PLD5: variants seen among roughly 807,000 people sequenced by gnomAD.
PLD5 encodes phospholipase D family member 5, also known as inactive phospholipase D5.
A neutral mutation model predicts 61.1 loss-of-function variants in PLD5; 36 were observed. That is an observed-to-expected ratio of 0.59 (90% CI 0.45 to 0.78). The LOEUF (loss-of-function observed/expected upper bound fraction) is 0.78. PLD5 is among the 30% of genes least tolerant of loss of function. The probability of loss-of-function intolerance (pLI) is 0.00; values close to 1 mark genes in which losing one functional copy is unlikely to be tolerated. For synonymous variants in PLD5, 243 were observed against 242.8 expected, an observed-to-expected ratio of 1.00 and a Z score of -0.01; for missense variants, 515 against 644.4, an observed-to-expected ratio of 0.80 and a Z score of 2.17.
intron 3 of PLD5, among the ~76,000 whole-genome samples, chr1:242,286,922 G>C (rs1675059311): frequency 6.6e-6 from 1 of 152,184 alleles, no homozygotes; most frequent in Admixed American, 6.5e-5. Context: ...GTAAAAGAGA[G>C]ATATGAATTG....
chr1:242,122,019 A>G (rs1031430586), intron 6 of PLD5, among the ~76,000 whole-genome samples: 3 of 152,190 alleles, frequency 2.0e-5, no homozygotes, highest in Non-Finnish European at 4.4e-5. Flanking sequence ...CAGCACACCA[A>G]CATGGCACAT....
intron 1 of PLD5, among the ~76,000 whole-genome samples, chr1:242,487,708 A>G (rs755084555): frequency 2.0e-5 from 3 of 152,166 alleles, no homozygotes; most frequent in Non-Finnish European, 2.9e-5. Flanking sequence ...CAACCAACCA[A>G]ATTTTAAAAT....
At chr1:242,529,253 C>T (rs190503817), upstream of PLD5, among the ~76,000 whole-genome samples, 4 of 152,168 alleles carry the variant, frequency 2.6e-5, no homozygotes, top group Non-Finnish European at 5.9e-5. Context: ...TCTTTAGCCT[C>T]GTAGTTATTA....
chr1:242,311,853 C>T (rs909147949), intron 2 of PLD5, among the ~76,000 whole-genome samples: 5 of 152,130 alleles, frequency 3.3e-5, no homozygotes, highest in Non-Finnish European at 7.3e-5. Flanking sequence ...TGTAGGTCCA[C>T]TTGATGGGAT....
chr1:242,364,062 T>C (rs547382031), intron 1 of PLD5, among the ~76,000 whole-genome samples: 15 of 152,160 alleles, frequency 9.9e-5, no homozygotes, highest in Admixed American at 2.6e-4. Context: ...AGAGTAATTT[T>C]ACAATGGTAA....
intron 4 of PLD5, among the ~76,000 whole-genome samples, chr1:242,255,080 A>G (rs1290647968): frequency 6.6e-6 from 1 of 152,102 alleles, no homozygotes; most frequent in Non-Finnish European, 1.5e-5. Context: ...GGGCACCCTG[A>G]CTTCCATCTG....
chr1:242,201,320 T>C (rs1279159999), intron 5 of PLD5, among the ~76,000 whole-genome samples: 1 of 152,200 alleles, frequency 6.6e-6, no homozygotes, highest in Non-Finnish European at 1.5e-5. Flanking sequence ...TTTATGGGCA[T>C]AAAAGTAATA....
intron 4 of PLD5, among the ~76,000 whole-genome samples, chr1:242,236,754 A>G (rs1187540090): frequency 6.6e-6 from 1 of 152,226 alleles, no homozygotes. Flanking sequence ...TGGGTTCACC[A>G]TTTGTAGGGA....
At chr1:242,317,174 C>T (rs565286671) in intron 2 of PLD5, among the ~76,000 whole-genome samples, 39 of 152,110 alleles carry the variant, frequency 2.6e-4, no homozygotes, top group Non-Finnish European at 5.0e-4. Flanking sequence ...CCACCATGCT[C>T]GGCTAATTTT....
intron 2 of PLD5, among the ~76,000 whole-genome samples, chr1:242,341,525 C>T (rs180677149): frequency 1.9e-3 from 176 of 93,448 alleles, no homozygotes; most frequent in African/African-American, 6.6e-3. Context: ...AATAGAGAAA[C>T]TTGAAAATTT....
intron 1 of PLD5, among the ~76,000 whole-genome samples, chr1:242,440,974 A>T (rs1666248523): frequency 6.6e-6 from 1 of 152,208 alleles, no homozygotes; most frequent in Admixed American, 6.5e-5. Flanking sequence ...CATTATTATA[A>T]ATAGTAATTT....
chr1:242,331,298 A>T (rs973755879), intron 2 of PLD5, among the ~76,000 whole-genome samples: 4 of 152,186 alleles, frequency 2.6e-5, no homozygotes, highest in Non-Finnish European at 5.9e-5. Context: ...ACCCCTGGAC[A>T]GCAGCAAAAG....
chr1:242,297,621 C>CTTTTTTTT (rs56851216), intron 2 of PLD5, among the ~76,000 whole-genome samples: 2 of 107,224 alleles, frequency 1.9e-5, no homozygotes, highest in African/African-American at 6.7e-5. Flanking sequence ...ATTCATGTTT[C>CTTTTTTTT]TTTTTTTTTT....
intron 4 of PLD5, among the ~76,000 whole-genome samples, chr1:242,250,420 C>T (rs772170703): frequency 2.0e-4 from 31 of 152,222 alleles, no homozygotes; most frequent in South Asian, 6.2e-4. Context: ...GAAGGGCAGA[C>T]GGCTCAGCTT....
intron 2 of PLD5, among the ~76,000 whole-genome samples, chr1:242,299,282 A>G (rs1226333352): frequency 6.6e-6 from 1 of 152,216 alleles, no homozygotes. Context: ...AGTTACAAAT[A>G]ATGCAGTTAC....
At chr1:242,136,044 A>T (rs939762454) in intron 5 of PLD5, among the ~76,000 whole-genome samples, 1 of 152,118 alleles carries the variant, frequency 6.6e-6, no homozygotes, top group Non-Finnish European at 1.5e-5. Flanking sequence ...CTGGTCTTTG[A>T]CTGTTTTGTC....
chr1:242,224,227 C>T (rs1394435475), intron 4 of PLD5, among the ~76,000 whole-genome samples: 1 of 152,150 alleles, frequency 6.6e-6, no homozygotes, highest in Non-Finnish European at 1.5e-5. Context: ...TCATGCATTA[C>T]ACTTATGCAA....
intron 4 of PLD5, among the ~76,000 whole-genome samples, chr1:242,263,661 T>C (rs1673495884): frequency 6.6e-6 from 1 of 152,188 alleles, no homozygotes; most frequent in Non-Finnish European, 1.5e-5. Context: ...CGTGTTTTGA[T>C]AAGAAGTCTT....
intron 1 of PLD5, among the ~76,000 whole-genome samples, chr1:242,423,979 G>A (rs2580232): frequency 0.25 from 34,624 of 139,622 alleles, 4,495 homozygotes; most frequent in Admixed American, 0.32. Context: ...TGAAACTGAT[G>A]CCAACAAACT....
Sources: gnomAD v4.1 joint callset for allele counts (sites outside exome capture counted in the v4.1 genomes callset) on GRCh38, gnomAD v4.1.1 for gene constraint, MANE v1.5 for transcripts, NCBI Gene and HGNC (gene_info 2026-07-23, HGNC 2026-07-21) for gene names.